The following CASD1 variants were observed in gnomAD, a reference collection of about 807,000 sequenced individuals.
CASD1 encodes CAS1 domain sialic acid O acetyltransferase 1, also known as N-acetylneuraminate (7)9-O-acetyltransferase.
CASD1 carries 41 observed loss-of-function variants against 100.0 expected under a neutral mutation model. The ratio of observed to expected loss-of-function variants is 0.41; its 90% CI spans 0.32 to 0.53. CASD1 has a LOEUF of 0.53. Among genes scored for constraint, CASD1 ranks in the 20% least tolerant of loss-of-function variants. The pLI is 0.25. For missense variants in CASD1, 774 were observed against 948.7 expected (o/e 0.82, Z 2.42); for synonymous variants, 321 against 315.6 (o/e 1.02, Z -0.18).
chr7:94,602,374 G>A, the CASD1 span, among the ~76,000 whole-genome samples: 1 of 152,162 alleles, frequency 6.6e-6, no homozygotes, highest in African/African-American at 2.4e-5. Flanking sequence ...GGAGTGCTAA[G>A]TGTTGCAATG....
the CASD1 span, chr7:94,628,204 C>G: frequency 6.2e-7 from 1 of 1,609,970 alleles, no homozygotes; most frequent in Non-Finnish European, 8.5e-7. Context: ...TAAATTACCT[C>G]AATGATTGTT....
chr7:94,616,658 A>G, the CASD1 span, among the ~76,000 whole-genome samples: 1 of 152,160 alleles, frequency 6.6e-6, no homozygotes. Context: ...TTTTTTTTCT[A>G]AATTTAAGGC....
chr7:94,570,596 G>A, the CASD1 span, among the ~76,000 whole-genome samples: 15 of 152,108 alleles, frequency 9.9e-5, no homozygotes, highest in Non-Finnish European at 1.6e-4. Context: ...CCAGGTTCAA[G>A]TGATTCTCCT....
chr7:94,587,070 A>ATACC, the CASD1 span: 2 of 985,030 alleles, frequency 2.0e-6, no homozygotes, highest in Non-Finnish European at 2.4e-6. Context: ...CTCAAGCAAA[A>ATACC]TACCTGCTCC....
At chr7:94,633,778 T>C in the CASD1 span, among the ~76,000 whole-genome samples, 13 of 152,188 alleles carry the variant, frequency 8.5e-5, no homozygotes, top group Non-Finnish European at 1.6e-4. Flanking sequence ...TTAGTAAACA[T>C]TAAATTTTGA....
At chr7:94,524,677 G>A (rs1794467118) in intron 3 of CASD1, among the ~76,000 whole-genome samples, 1 of 152,092 alleles carries the variant, frequency 6.6e-6, no homozygotes, top group Admixed American at 6.5e-5. Context: ...TATCCAAGAA[G>A]ATAACCATTA....
chr7:94,547,536 A>G (rs1168735629), intron 13 of CASD1, among the ~76,000 whole-genome samples: 1 of 151,960 alleles, frequency 6.6e-6, no homozygotes, highest in African/African-American at 2.4e-5. Flanking sequence ...TCATTGCATC[A>G]AAGTATTGAT....
At chr7:94,600,656 G>T in the CASD1 span, 1 of 1,612,192 alleles carries the variant, frequency 6.2e-7, no homozygotes, top group Non-Finnish European at 8.5e-7. Context: ...ACGCCTTCCC[G>T]TCGGCAGCAC....
the CASD1 span, among the ~76,000 whole-genome samples, chr7:94,603,824 T>G: frequency 6.6e-6 from 1 of 152,178 alleles, no homozygotes; most frequent in Non-Finnish European, 1.5e-5. Context: ...TAAGGTAAAT[T>G]AGGAAATAAC....
intron 5 of CASD1, 76 bp downstream of exon 5, chr7:94,528,326 T>C: frequency 9.6e-7 from 1 of 1,043,800 alleles, no homozygotes; most frequent in Non-Finnish European, 1.4e-6. Flanking sequence ...TTATTCCCTT[T>C]ACTCACTTGT....
At chr7:94,566,517 T>C in the CASD1 span, among the ~76,000 whole-genome samples, 1 of 152,126 alleles carries the variant, frequency 6.6e-6, no homozygotes, top group Non-Finnish European at 1.5e-5. Context: ...TAAAGAACTC[T>C]TACAATTTTT....
chr7:94,520,943 T>TA (rs1255865076), intron 3 of CASD1, among the ~76,000 whole-genome samples: 4 of 152,068 alleles, frequency 2.6e-5, no homozygotes, highest in African/African-American at 9.6e-5. Flanking sequence ...ATGCAAAAAA[T>TA]TAGCTGATTG....
chr7:94,527,217 G>A lies in CASD1; in HGVS notation c.396+11G>A, dbSNP rs1256466017. 8.2e-6 allele frequency: 13 copies of A among 1,585,428 alleles called. No homozygotes were observed. The East Asian group carries it at 2.5e-4, about 30-fold the overall frequency. On this transcript the variant is annotated intron_variant, in intron 4 of 17. Transcript: ENST00000297273. ...GCATCAGTTAAAGTGGTAAGTTCAT[G>A]TAATAGTAAGCTAGATGTTACAATG...
At chr7:94,613,071 G>C in the CASD1 span, among the ~76,000 whole-genome samples, 1 of 152,194 alleles carries the variant, frequency 6.6e-6, no homozygotes, top group Non-Finnish European at 1.5e-5. Flanking sequence ...TCCTCAGGTA[G>C]CCTACTGGCT....
Position 94,547,127 on chromosome 7 carries a change from GA to G in CASD1, c.1668del (p.Lys556AsnfsTer2). 1 of 1,592,828 alleles carries G rather than the reference GA, an allele frequency of 6.3e-7. No homozygotes were observed. The part of the protein sequence containing the change: ...NCFWHFGLLL[K>X]LGFLLLFICF... ...GTTTCTGGCATTTTGGCTTACTGTT[GA>G]AACTAGGCTTTTTGCTGTTATTCAT... On this transcript the variant is annotated frameshift_variant, in exon 13 of 18. Transcript: ENST00000297273. LOFTEE classifies it high-confidence loss of function.
At position 94,555,041 on chromosome 7, in the gene CASD1, T is replaced by C. The variant is rs565435698; in HGVS notation, c.2128-451T>C. ...TGGGAGAAAGTATAAACTCATTACA[T>C]TTTGTGTAAGATACATAATATGAAA... On this transcript the variant is annotated intron_variant, in intron 17 of 17. Transcript: ENST00000297273. Among the ~76,000 whole-genome samples the C allele has an allele frequency of 5.3e-5, 8 of 152,236 alleles. No homozygotes were observed. In the South Asian group the frequency reaches 1.4e-3, roughly 28 times the overall value.
Position 94,533,202 on chromosome 7 carries a change from T to C in CASD1, c.460-3T>C, listed in dbSNP as rs1346490351. 9 of 1,605,120 alleles carry C rather than the reference T, an allele frequency of 5.6e-6. No individual in the cohort carries two copies. The highest frequency in any genetic ancestry group is 7.7e-6 in the Non-Finnish European group (9 of 1,173,588). On this transcript the variant is annotated splice_polypyrimidine_tract_variant and splice_region_variant and intron_variant, in intron 5 of 17. Coordinates refer to ENST00000297273, the MANE Select transcript of CASD1 (RefSeq NM_022900.5). ...ACTATGATAAAGATTTGTCTTCCTT[T>C]AGGATTCCATTGCAAAGCCACATGT...
At chr7:94,520,999 G>C (rs375860259) in intron 3 of CASD1, among the ~76,000 whole-genome samples, 1 of 152,116 alleles carries the variant, frequency 6.6e-6, no homozygotes, top group East Asian at 1.9e-4. Context: ...GGCTGAGTCA[G>C]GAGAATCACT....
At chr7:94,587,922 C>T in the CASD1 span, 3 of 1,449,130 alleles carry the variant, frequency 2.1e-6, no homozygotes, top group Non-Finnish European at 2.7e-6. Context: ...AGTTTCCCTA[C>T]CACAATGCCG....
Sources: gnomAD v4.1 joint callset for allele counts (sites outside exome capture counted in the v4.1 genomes callset) on GRCh38, gnomAD v4.1.1 for gene constraint, MANE v1.5 for transcripts, NCBI Gene and HGNC (gene_info 2026-07-23, HGNC 2026-07-21) for gene names.